The following TAAR1 variants were observed in gnomAD, a reference collection of about 807,000 sequenced individuals.
The protein encoded by TAAR1 is trace amine associated receptor 1.
TAAR1 carries 1 observed loss-of-function variant against 1.2 expected under a neutral mutation model. That is an observed-to-expected ratio of 0.81 (90% CI 0.29 to 3.86). TAAR1 has a LOEUF of 3.86. Ranked by LOEUF, TAAR1 falls within the 30% of genes most tolerant of loss-of-function variation. The pLI, the probability that TAAR1 is intolerant of heterozygous loss-of-function variation, is 0.18. For synonymous variants in TAAR1, 153 were observed against 132.2 expected, an observed-to-expected ratio of 1.16 and a Z score of -1.08; for missense variants, 445 against 405.6, an observed-to-expected ratio of 1.10 and a Z score of -0.83.
chr6:132,649,739 G>A (rs1480968012), intron 1 of TAAR1, among the ~76,000 whole-genome samples: 1 of 152,082 alleles, frequency 6.6e-6, no homozygotes, highest in Non-Finnish European at 1.5e-5. Context: ...AGAACAGCAT[G>A]GAGGTAGCTT....
At position 132,656,527 on chromosome 6, in the gene TAAR1, C is replaced by A. The variant is rs114901074; in HGVS notation, c.-127+2603G>T. Among the ~76,000 whole-genome samples the A allele has an allele frequency of 4.9e-3, 738 of 152,148 alleles. 10 individuals are homozygous for A. Among genetic ancestry groups the A allele is most frequent in the African/African-American group, 0.017 (706 of 41,514 alleles). ...CTGAAGCTCCAAGGCCTGAAAATAT[C>A]TACAACATGTACTGAGCACAAAAGG... On this transcript the variant is annotated intron_variant, in intron 1 of 1. Transcript: ENST00000275216.
chr6:132,655,793 A>G (rs1420134151), intron 1 of TAAR1, among the ~76,000 whole-genome samples: 1 of 152,230 alleles, frequency 6.6e-6, no homozygotes. Flanking sequence ...TTTGGAGCAC[A>G]GCAATGTTTG....
At position 132,644,584 on chromosome 6, in the gene TAAR1, T is replaced by C. The variant is rs538110807; in HGVS notation, c.*400A>G. On this transcript the variant is annotated 3_prime_UTR_variant, in exon 2 of 2. Transcript: ENST00000275216. Reference sequence around the variant, plus strand: ...TTAGTTGATTTTACTAAAAGACTTATACACATATGTGACCAGGACATGTAT... The same window carrying C: ...TTAGTTGATTTTACTAAAAGACTTACACACATATGTGACCAGGACATGTAT... Among the ~76,000 whole-genome samples, 1 of 152,188 alleles carries C rather than the reference T, an allele frequency of 6.6e-6. No individual in the cohort carries two copies. The highest frequency in any genetic ancestry group is 1.9e-4 in the East Asian group (1 of 5,190).
chr6:132,658,829 T>C (rs1313790384), intron 1 of TAAR1, among the ~76,000 whole-genome samples: 1 of 152,154 alleles, frequency 6.6e-6, no homozygotes, highest in Non-Finnish European at 1.5e-5. Context: ...TGTCCTAGCT[T>C]TCCATAAATG....
At chr6:132,654,468 T>C (rs1433643742) in intron 1 of TAAR1, among the ~76,000 whole-genome samples, 8 of 152,216 alleles carry the variant, frequency 5.3e-5, no homozygotes, top group Non-Finnish European at 7.3e-5. Context: ...TACAAATCTG[T>C]AGCCCTAAAA....
rs139374122 is a variant in TAAR1 at position 132,652,831 on chromosome 6, G to A, written c.-127+6299C>T. On this transcript the variant is annotated intron_variant, in intron 1 of 1. Transcript: ENST00000275216. ...CCTCCTCACCACTCTTTTTTAACAG[G>A]TGAGGAGTAGGTAAGAACTCTATGG... Among the ~76,000 whole-genome samples, 7 of 151,606 alleles carry A rather than the reference G, an allele frequency of 4.6e-5. No individual in the cohort carries two copies. The East Asian group carries it at 1.4e-3, about 29-fold the overall frequency.
In TAAR1 at chr6:132,645,472, A is replaced by C; in HGVS notation, c.532T>G (p.Cys178Gly). Residue 178 changes from cysteine to glycine, a missense_variant, in exon 2 of 2, where the codon TGC becomes GGC. Coordinates refer to ENST00000275216, the MANE Select transcript of TAAR1 (RefSeq NM_138327.4). ...AAGAAGACAGAGCAACCTCCTCTGC[A>C]GTGAACATGTTTGTAATATATCTCT... ...AEEIYYKHVH[C>G]RGGCSVFFSK... 6.2e-7 allele frequency: 1 copy of C among 1,613,830 alleles called. No homozygotes were observed. Among genetic ancestry groups the C allele is most frequent in the Non-Finnish European group, 8.5e-7 (1 of 1,179,820 alleles).
chr6:132,654,911 A>G lies in TAAR1; in HGVS notation c.-127+4219T>C, dbSNP rs192144081. Among the ~76,000 whole-genome samples the G allele has an allele frequency of 1.2e-3, 184 of 152,364 alleles. 2 individuals are homozygous for G. The highest frequency in any genetic ancestry group is 1.8e-4 in the Non-Finnish European group (12 of 68,034). On this transcript the variant is annotated intron_variant, in intron 1 of 1. Transcript: ENST00000275216. ...GAAAAGATACATTTTTAAAAAATCAAGAGTGAGGAAAGTCACAGCATTAAA... is the reference window on the plus strand; with the variant it reads ...GAAAAGATACATTTTTAAAAAATCAGGAGTGAGGAAAGTCACAGCATTAAA...
chr6:132,643,943 T>G lies in TAAR1; in HGVS notation c.*1041A>C, dbSNP rs1328039164. On this transcript the variant is annotated 3_prime_UTR_variant, in exon 2 of 2. Coordinates refer to ENST00000275216, the MANE Select transcript of TAAR1 (RefSeq NM_138327.4). ...GGATGACTGCTTCTCCTTCTGTGTA[T>G]TGTGGAGCCCAGCAAAGTGAATTTG... Among the ~76,000 whole-genome samples the G allele has an allele frequency of 6.6e-6, 1 of 152,010 alleles. No individual in the cohort carries two copies. Among genetic ancestry groups the G allele is most frequent in the Non-Finnish European group, 1.5e-5 (1 of 67,928 alleles).
Position 132,645,142 on chromosome 6 carries a change from C to T in TAAR1, c.862G>A (p.Val288Ile). Residue 288 changes from valine (V) to isoleucine (I), a missense_variant, in exon 2 of 2, where the codon GTA (valine) becomes ATA (isoleucine). Physicochemically the swap from Val to Ile is conservative, Grantham distance 29 (BLOSUM62 3). Coordinates refer to ENST00000275216, the MANE Select transcript of TAAR1 (RefSeq NM_138327.4). ...HYIIPPTLND[V>I]LIWFGYLNST... ...TTCAAGTAGCCAAACCAAATCAATA[C>T]ATCATTCAAAGTAGGTGGAATAATG... 1 of 1,612,998 alleles carries T rather than the reference C, an allele frequency of 6.2e-7. No individual in the cohort carries two copies. Among genetic ancestry groups the T allele is most frequent in the South Asian group, 1.1e-5 (1 of 90,852 alleles).
intron 1 of TAAR1, among the ~76,000 whole-genome samples, chr6:132,651,968 C>G (rs1415087149): frequency 1.3e-5 from 2 of 152,222 alleles, no homozygotes; most frequent in Non-Finnish European, 2.9e-5. Context: ...TCTCCTAGAA[C>G]TTGATGTAAT....
Position 132,644,908 on chromosome 6 carries a change from G to C in TAAR1, c.*76C>G, listed in dbSNP as rs757975025. The C allele has an allele frequency of 8.4e-7, 1 of 1,193,622 alleles. No homozygotes were observed. Among genetic ancestry groups the C allele is most frequent in the African/African-American group, 1.6e-5 (1 of 63,810 alleles). The allele number at this position is 1,193,622 out of a possible 1,614,324, so 73.9% of individuals were successfully genotyped here. A position where few individuals can be genotyped will look rare whatever the true frequency, so the allele number is the denominator to read the frequency against. The stretch of plus-strand genomic sequence containing the variant: ...GATTTAAAAAAAAATCCATGTGGTT[G>C]GTGCATGTGGTTCGTTATGTTGTGT... On this transcript the variant is annotated 3_prime_UTR_variant, in exon 2 of 2. Transcript: ENST00000275216.
At chr6:132,655,324 A>G (rs68091087) in intron 1 of TAAR1, among the ~76,000 whole-genome samples, 8,949 of 151,974 alleles carry the variant, frequency 0.059, 306 homozygotes, top group East Asian at 0.11. Context: ...ATAAAATAGA[A>G]GAGTCTCACA....
intron 1 of TAAR1, among the ~76,000 whole-genome samples, chr6:132,648,709 C>T (rs1348321634): frequency 1.3e-5 from 2 of 152,158 alleles, no homozygotes; most frequent in Non-Finnish European, 2.9e-5. Context: ...TTTAAGTGCT[C>T]TATGACAACA....
rs753807556 is a variant in TAAR1 at position 132,645,706 on chromosome 6, T to C, written c.298A>G (p.Thr100Ala). 3.7e-6 allele frequency: 6 copies of C among 1,613,674 alleles called. No homozygotes were observed. The South Asian group carries it at 5.5e-5, about 15-fold the overall frequency. Residue 100 changes from threonine (T) to alanine (A), a missense_variant, in exon 2 of 2, where the codon ACA becomes GCA. Transcript: ENST00000275216. ...YFGEVFCKIH[T>A]STDIMLSSAS... ...GAGCTCAGCATAATGTCGGTGCTTG[T>C]GTGAATTTTACAGAAGACTTCTCCA...
chr6:132,647,672 G>GAAAGAA (rs1777700571), intron 1 of TAAR1, among the ~76,000 whole-genome samples: 3 of 147,814 alleles, frequency 2.0e-5, no homozygotes, highest in African/African-American at 7.5e-5. Flanking sequence ...AAGAAAGAAA[G>GAAAGAA]AAAGAAAGAA....
intron 1 of TAAR1, among the ~76,000 whole-genome samples, chr6:132,649,585 C>T (rs1167292881): frequency 6.6e-6 from 1 of 152,164 alleles, no homozygotes; most frequent in East Asian, 1.9e-4. Context: ...GCTGGGAAGG[C>T]CTCAGGAAAC....
intron 1 of TAAR1, among the ~76,000 whole-genome samples, chr6:132,647,596 G>GAGAAGAA (rs1562202912): frequency 5.7e-5 from 7 of 121,860 alleles, no homozygotes; most frequent in African/African-American, 2.0e-4. Flanking sequence ...AAGAAAGAAA[G>GAGAAGAA]AGAAAGAAAA....
chr6:132,654,877 A>G (rs1212242163), intron 1 of TAAR1, among the ~76,000 whole-genome samples: 1 of 152,228 alleles, frequency 6.6e-6, no homozygotes, highest in African/African-American at 2.4e-5. Context: ...AAATGGAAAT[A>G]TAGTTGATGA....
Sources: allele counts gnomAD v4.1 joint callset (sites outside exome capture counted in the v4.1 genomes callset), GRCh38; gene constraint gnomAD v4.1.1; transcripts MANE v1.5; gene names NCBI Gene and HGNC (gene_info 2026-07-23, HGNC 2026-07-21).